TRHDE: variants seen among roughly 807,000 people sequenced by gnomAD.
TRHDE encodes thyrotropin releasing hormone degrading enzyme, also known as thyrotropin-releasing hormone-degrading ectoenzyme.
In TRHDE, 72 loss-of-function variants were observed where a neutral mutation model predicts 125.7. The observed-to-expected ratio is 0.57, with a 90% CI of 0.47 to 0.70. The LOEUF (loss-of-function observed/expected upper bound fraction) is 0.70. TRHDE is among the 30% of genes least tolerant of loss of function. The pLI, the probability that TRHDE is intolerant of heterozygous loss-of-function variation, is 0.00. For missense variants in TRHDE, 1,110 were observed against 1,327.1 expected (o/e 0.84, Z 2.54); for synonymous variants, 509 against 509.1 (o/e 1.00, Z 0.00).
At chr12:72,159,176 C>A (rs1470344047) in intron 2 of TRHDE, among the ~76,000 whole-genome samples, 2 of 152,106 alleles carry the variant, frequency 1.3e-5, no homozygotes, top group South Asian at 2.1e-4. Context: ...GTCAACCAGG[C>A]AAATATGGGT....
intron 6 of TRHDE, among the ~76,000 whole-genome samples, chr12:72,520,597 G>A (rs993106407): frequency 1.1e-4 from 17 of 152,138 alleles, no homozygotes; most frequent in Non-Finnish European, 2.5e-4. Flanking sequence ...GAAATCACCT[G>A]GCTTCTGTGT....
At chr12:72,280,558 A>C (rs1231177531) in intron 1 of TRHDE, among the ~76,000 whole-genome samples, 3 of 152,154 alleles carry the variant, frequency 2.0e-5, no homozygotes, top group African/African-American at 7.2e-5. Context: ...GGTCACCAGA[A>C]AAAAAAGAAG....
chr12:72,603,574 A>C (rs1872295786), intron 12 of TRHDE, among the ~76,000 whole-genome samples: 1 of 152,038 alleles, frequency 6.6e-6, no homozygotes, highest in Non-Finnish European at 1.5e-5. Flanking sequence ...AAATACAAAA[A>C]ATTAGCCGGG....
At chr12:72,089,422 T>G (rs1275171242) in intron 1 of TRHDE, among the ~76,000 whole-genome samples, 1 of 152,196 alleles carries the variant, frequency 6.6e-6, no homozygotes, top group African/African-American at 2.4e-5. Flanking sequence ...ATCCATACTC[T>G]CCTTACTTCT....
rs556908049 is a variant in TRHDE, at chr12:72,097,501, G to A, written n.175-8147G>A. Among the ~76,000 whole-genome samples, 6 of 136,906 alleles carry A rather than the reference G, an allele frequency of 4.4e-5. No individual in the cohort carries two copies. In the Admixed American group the frequency reaches 4.7e-4, roughly 11 times the overall value. The allele number at this position is 136,906 out of a possible 152,430, so 89.8% of individuals were successfully genotyped here. Reference sequence around the variant, plus strand: ...TTTTGCTCTGTTTTCCAGGCTTGGAGTTCTGTGCTTTGAGCTTGGCTCACT... The same window carrying A: ...TTTTGCTCTGTTTTCCAGGCTTGGAATTCTGTGCTTTGAGCTTGGCTCACT... On this transcript the variant is annotated intron_variant and non_coding_transcript_variant, in intron 1 of 4. Transcript: ENST00000548156.
intron 3 of TRHDE, among the ~76,000 whole-genome samples, chr12:72,392,387 A>C (rs1872641736): frequency 6.6e-6 from 1 of 152,174 alleles, no homozygotes. Flanking sequence ...ATAATTTCAG[A>C]AGAAATTATT....
At chr12:72,141,435 A>G (rs1188046407) in intron 2 of TRHDE, among the ~76,000 whole-genome samples, 1 of 152,154 alleles carries the variant, frequency 6.6e-6, no homozygotes, top group Admixed American at 6.5e-5. Flanking sequence ...GCTTAGCTCT[A>G]TCCATTCATT....
At chr12:72,301,646 ACAGAAT>A (rs1868261558) in intron 2 of TRHDE, among the ~76,000 whole-genome samples, 1 of 152,176 alleles carries the variant, frequency 6.6e-6, no homozygotes, top group Admixed American at 6.5e-5. Flanking sequence ...ATTCTCCTAT[ACAGAAT>A]GGAGATAACA....
chr12:72,210,799 T>G (rs931380364), intron 2 of TRHDE, among the ~76,000 whole-genome samples: 1 of 152,248 alleles, frequency 6.6e-6, no homozygotes, highest in Non-Finnish European at 1.5e-5. Flanking sequence ...AGAGATAATC[T>G]TAATGGTTGA....
At chr12:72,568,679 A>AG (rs1236947291) in intron 10 of TRHDE, 23 bp downstream of exon 10, 1 of 1,519,052 alleles carries the variant, frequency 6.6e-7, no homozygotes. Flanking sequence ...TTCTCCCCTG[A>AG]GGAAGTATCT....
At chr12:72,605,368 C>T (rs536450405) in intron 12 of TRHDE, among the ~76,000 whole-genome samples, 13 of 152,128 alleles carry the variant, frequency 8.5e-5, no homozygotes, top group East Asian at 1.9e-4. Context: ...ATACTCCTTG[C>T]GACTCAATGT....
At chr12:72,311,768 A>G (rs933709596) in intron 2 of TRHDE, among the ~76,000 whole-genome samples, 1 of 152,148 alleles carries the variant, frequency 6.6e-6, no homozygotes, top group Admixed American at 6.5e-5. Flanking sequence ...CTGGAGAAAA[A>G]ACAGGCAAAA....
chr12:72,473,752 A>G (rs1876758754), intron 5 of TRHDE, among the ~76,000 whole-genome samples: 1 of 152,072 alleles, frequency 6.6e-6, no homozygotes, highest in Admixed American at 6.6e-5. Flanking sequence ...TCCTAGAAGA[A>G]AAAGTAGAGG....
At chr12:72,417,601 T>C (rs1309316669) in intron 3 of TRHDE, among the ~76,000 whole-genome samples, 2 of 151,992 alleles carry the variant, frequency 1.3e-5, no homozygotes, top group East Asian at 3.9e-4. Flanking sequence ...ACTTTAGTAA[T>C]GTTATTTACT....
At chr12:72,122,536 A>C (rs897064241) in intron 2 of TRHDE, among the ~76,000 whole-genome samples, 3 of 152,216 alleles carry the variant, frequency 2.0e-5, no homozygotes, top group Non-Finnish European at 1.5e-5. Context: ...GACTTTTGCA[A>C]TAAATGATTT....
intron 2 of TRHDE, among the ~76,000 whole-genome samples, chr12:72,234,885 TTAAG>T (rs1167477847): frequency 2.0e-5 from 3 of 152,170 alleles, no homozygotes; most frequent in African/African-American, 7.2e-5. Context: ...CTAACATTTA[TTAAG>T]TCTTTGCAAT....
chr12:72,131,865 G>T (rs1185374879), intron 2 of TRHDE, among the ~76,000 whole-genome samples: 2 of 152,198 alleles, frequency 1.3e-5, no homozygotes, highest in African/African-American at 4.8e-5. Context: ...GCCAAGGCAA[G>T]GAGGGGAAGC....
At chr12:72,642,924 G>A (rs987598650) in intron 15 of TRHDE, among the ~76,000 whole-genome samples, 1 of 152,090 alleles carries the variant, frequency 6.6e-6, no homozygotes, top group African/African-American at 2.4e-5. Flanking sequence ...ATCTTAAACT[G>A]TCCCTAGAGC....
chr12:72,285,740 C>T (rs532006332), intron 1 of TRHDE, among the ~76,000 whole-genome samples: 186 of 152,062 alleles, frequency 1.2e-3, no homozygotes, highest in African/African-American at 4.2e-3. Flanking sequence ...AGGATTGTCC[C>T]GATCTCTTAA....
Sources: gnomAD v4.1 joint callset for allele counts (sites outside exome capture counted in the v4.1 genomes callset) on GRCh38, gnomAD v4.1.1 for gene constraint, MANE v1.5 for transcripts, NCBI Gene and HGNC (gene_info 2026-07-23, HGNC 2026-07-21) for gene names.